Variants in MYO1D observed in about 807,000 individuals in gnomAD.
MYO1D encodes unconventional myosin-Id.
Under a neutral mutation model 122.0 loss-of-function variants are expected in MYO1D, and 83 were observed. The observed-to-expected ratio is 0.68, with a 90% confidence interval of 0.57 to 0.82. MYO1D has a LOEUF of 0.82. Ranked by LOEUF, MYO1D falls within the 40% of genes least tolerant of loss-of-function variation. The pLI is 0.00. For missense variants in MYO1D, 1,157 were observed against 1,269.5 expected, an observed-to-expected ratio of 0.91 and a Z score of 1.35; for synonymous variants, 464 against 446.9, an observed-to-expected ratio of 1.04 and a Z score of -0.48.
intron 12 of MYO1D, among the ~76,000 whole-genome samples, chr17:32,747,839 A>T (rs2089853647): frequency 6.6e-6 from 1 of 151,962 alleles, no homozygotes; most frequent in Non-Finnish European, 1.5e-5. Flanking sequence ...TCCATCTCAA[A>T]AAAAAGGAAA....
At chr17:32,817,720 C>T (rs2090623739) in intron 1 of MYO1D, among the ~76,000 whole-genome samples, 1 of 152,202 alleles carries the variant, frequency 6.6e-6, no homozygotes. Flanking sequence ...CCATGCCAGG[C>T]ACTGAGCTAA....
chr17:32,813,278 C>T (rs2090587531), intron 1 of MYO1D, among the ~76,000 whole-genome samples: 1 of 152,176 alleles, frequency 6.6e-6, no homozygotes, highest in African/African-American at 2.4e-5. Context: ...ATCAACATAA[C>T]TATGGTCTGT....
chr17:32,528,085 C>A lies in MYO1D; in HGVS notation c.2865-33170G>T, dbSNP rs183297079. Among the ~76,000 whole-genome samples the A allele has an allele frequency of 6.6e-5, 10 of 152,336 alleles. 1 individual carries two copies. The South Asian group carries it at 1.2e-3, about 19-fold the overall frequency. ...AACTCCTGACCTTGTGATCCACATACCTCAGCCTCCCAAAGTGCTGGGATT... is the reference window on the plus strand; with the variant it reads ...AACTCCTGACCTTGTGATCCACATAACTCAGCCTCCCAAAGTGCTGGGATT... On this transcript the variant is annotated intron_variant, in intron 21 of 21. Coordinates refer to ENST00000318217, the MANE Select transcript of MYO1D (RefSeq NM_015194.3).
chr17:32,640,902 T>C (rs1161450078), intron 19 of MYO1D, among the ~76,000 whole-genome samples: 1 of 151,842 alleles, frequency 6.6e-6, no homozygotes, highest in Admixed American at 6.6e-5. Flanking sequence ...ATATATTTTT[T>C]CCTTTTTAAA....
chr17:32,659,351 G>T lies in MYO1D; in HGVS notation c.2122-13C>A. ...TGCCCCGCCACACCTTCACAATAGA[G>T]AAAGAAAAAGGAAAACGTTATTGAC... On this transcript the variant is annotated splice_polypyrimidine_tract_variant and intron_variant, in intron 16 of 21. Transcript: ENST00000318217. The T allele has an allele frequency of 6.2e-7, 1 of 1,612,312 alleles. No homozygotes were observed.
chr17:32,747,213 T>A (rs1443057892), intron 12 of MYO1D, among the ~76,000 whole-genome samples: 2 of 152,254 alleles, frequency 1.3e-5, no homozygotes, highest in African/African-American at 4.8e-5. Flanking sequence ...TCTTCAAACA[T>A]CATTTCAGCA....
chr17:32,536,551 A>G (rs1910671197), intron 21 of MYO1D, among the ~76,000 whole-genome samples: 1 of 152,216 alleles, frequency 6.6e-6, no homozygotes, highest in Non-Finnish European at 1.5e-5. Context: ...TTTGGCTTAT[A>G]TGAGTTATAG....
chr17:32,688,803 C>T (rs2089055836), intron 16 of MYO1D, among the ~76,000 whole-genome samples: 1 of 152,014 alleles, frequency 6.6e-6, no homozygotes, highest in South Asian at 2.1e-4. Context: ...AGGGAGGGAG[C>T]CTGGGAGATC....
chr17:32,743,080 G>A (rs1024958079), intron 13 of MYO1D, among the ~76,000 whole-genome samples: 3 of 152,126 alleles, frequency 2.0e-5, no homozygotes, highest in Non-Finnish European at 2.9e-5. Flanking sequence ...TGTGACACCA[G>A]ATTCCTTGTT....
chr17:32,508,928 C>T (rs555755575), intron 21 of MYO1D, among the ~76,000 whole-genome samples: 15 of 152,258 alleles, frequency 9.9e-5, no homozygotes, highest in South Asian at 6.2e-4. Context: ...AACAGCTCCT[C>T]GTGCAGTGTC....
At chr17:32,659,859 T>C (rs1239998263) in intron 16 of MYO1D, among the ~76,000 whole-genome samples, 5 of 152,162 alleles carry the variant, frequency 3.3e-5, no homozygotes, top group Non-Finnish European at 5.9e-5. Flanking sequence ...GATTCATGGG[T>C]AAAGGGTAAA....
chr17:32,710,971 A>C (rs2089368866), intron 16 of MYO1D, among the ~76,000 whole-genome samples: 1 of 152,222 alleles, frequency 6.6e-6, no homozygotes. Flanking sequence ...TTGGCGGTGC[A>C]AACTGGCTCA....
chr17:32,844,126 T>C (rs1396994787), intron 1 of MYO1D, among the ~76,000 whole-genome samples: 2 of 149,836 alleles, frequency 1.3e-5, no homozygotes, highest in African/African-American at 4.9e-5. Context: ...TATTCTATTA[T>C]ATGTAACACA....
chr17:32,495,061 G>T, intron 21 of MYO1D, 146 bp from the exon 22 acceptor site: 1 of 1,039,174 alleles, frequency 9.6e-7, no homozygotes, highest in East Asian at 2.8e-5. Context: ...CCCCAGAGAG[G>T]CCGAGGCAAG....
intron 2 of MYO1D, 126 bp downstream of exon 2, chr17:32,780,450 C>T: frequency 1.1e-6 from 1 of 872,576 alleles, no homozygotes; most frequent in Non-Finnish European, 1.8e-6. Context: ...TCACTTTTCT[C>T]TCTCCTATAG....
rs2087232049 is a variant in MYO1D, at chr17:32,571,848, G to C, written c.2864+33239C>G. Among the ~76,000 whole-genome samples the C allele has an allele frequency of 3.3e-5, 5 of 152,238 alleles. No individual in the cohort carries two copies. The South Asian group carries it at 1.0e-3, about 32-fold the overall frequency. On this transcript the variant is annotated intron_variant, in intron 21 of 21. Coordinates refer to ENST00000318217, the MANE Select transcript of MYO1D (RefSeq NM_015194.3). ...TGCAGAGGACTGAAGAAAATGAAAAGCAACAGTCCCTTAACCCACTGCTGG... is the reference window on the plus strand; with the variant it reads ...TGCAGAGGACTGAAGAAAATGAAAACCAACAGTCCCTTAACCCACTGCTGG...
At chr17:32,560,223 G>C (rs113186189) in intron 21 of MYO1D, among the ~76,000 whole-genome samples, 10,391 of 151,976 alleles carry the variant, frequency 0.068, 443 homozygotes, top group Middle Eastern at 0.12. Flanking sequence ...CCACTGCACT[G>C]CAGCCTGGGC....
At chr17:32,814,008 A>ACTTTTT (rs2090593527) in intron 1 of MYO1D, among the ~76,000 whole-genome samples, 1 of 152,216 alleles carries the variant, frequency 6.6e-6, no homozygotes, top group South Asian at 2.1e-4. Context: ...AGGCAGCAAC[A>ACTTTTT]CTTTTTAGAA....
intron 1 of MYO1D, among the ~76,000 whole-genome samples, chr17:32,837,458 T>C (rs756327934): frequency 6.6e-6 from 1 of 152,162 alleles, no homozygotes; most frequent in East Asian, 1.9e-4. Flanking sequence ...ATGATTCTCT[T>C]ACTGCTGGAC....
Sources: allele counts gnomAD v4.1 joint callset (sites outside exome capture counted in the v4.1 genomes callset), GRCh38; gene constraint gnomAD v4.1.1; transcripts MANE v1.5; gene names NCBI Gene and HGNC (gene_info 2026-07-23, HGNC 2026-07-21).